Variants in ANKS1B observed in about 807,000 individuals in gnomAD.
The protein encoded by ANKS1B is ankyrin repeat and sterile alpha motif domain-containing protein 1B.
ANKS1B carries 36 observed loss-of-function variants against 148.3 expected under a neutral mutation model. That is an observed-to-expected ratio of 0.24 (90% CI 0.19 to 0.32). The LOEUF is 0.32. Among genes scored for constraint, ANKS1B ranks in the 10% least tolerant of loss-of-function variants. The pLI, the probability that ANKS1B is intolerant of heterozygous loss-of-function variation, is 1.00. For missense variants in ANKS1B, 1,157 were observed against 1,542.6 expected (o/e 0.75, Z 4.19); for synonymous variants, 542 against 560.8 (o/e 0.97, Z 0.47).
chr12:99,111,643 A>G (rs935581812), intron 15 of ANKS1B, among the ~76,000 whole-genome samples: 8 of 152,062 alleles, frequency 5.3e-5, no homozygotes, highest in Non-Finnish European at 1.0e-4. Flanking sequence ...TGTATTCCTT[A>G]TAAGTATAAA....
chr12:98,738,589 TA>T (rs2097784446), intron 9 of ANKS1B, among the ~76,000 whole-genome samples: 1 of 152,180 alleles, frequency 6.6e-6, no homozygotes, highest in Non-Finnish European at 1.5e-5. Flanking sequence ...CTTCAGTTTT[TA>T]GATAGAGGAA....
chr12:99,560,840 C>CTTTTT (rs58588885), intron 9 of ANKS1B, among the ~76,000 whole-genome samples: 422 of 71,738 alleles, frequency 5.9e-3, no homozygotes, highest in East Asian at 7.6e-3. Flanking sequence ...TTTCTTTTTT[C>CTTTTT]TTTTTTTTTT....
chr12:99,773,249 T>C (rs2063355777), intron 7 of ANKS1B, among the ~76,000 whole-genome samples, 161 bp from the exon 8 acceptor site: 1 of 152,208 alleles, frequency 6.6e-6, no homozygotes, highest in Admixed American at 6.5e-5. Context: ...CCATAATTAG[T>C]ACAACAATAT....
intron 10 of ANKS1B, among the ~76,000 whole-genome samples, chr12:99,452,698 T>G (rs939510357): frequency 6.6e-6 from 1 of 152,236 alleles, no homozygotes; most frequent in Non-Finnish European, 1.5e-5. Context: ...AGATAATATT[T>G]AACAGTAATT....
At chr12:99,203,024 T>G (rs1359455849) in intron 14 of ANKS1B, among the ~76,000 whole-genome samples, 1 of 152,190 alleles carries the variant, frequency 6.6e-6, no homozygotes, top group Admixed American at 6.5e-5. Context: ...CTTCTACCAC[T>G]TTCTATTGGT....
At chr12:99,556,314 TTCTC>T (rs571834731) in intron 9 of ANKS1B, among the ~76,000 whole-genome samples, 2 of 152,120 alleles carry the variant, frequency 1.3e-5, no homozygotes, top group African/African-American at 4.8e-5. Context: ...TATTTGGATC[TTCTC>T]TCTTTTTTTC....
rs147936871 is a variant in ANKS1B, at chr12:99,157,294, T to G, written c.2420-2899A>C. Among the ~76,000 whole-genome samples, 13 of 152,336 alleles carry G rather than the reference T, an allele frequency of 8.5e-5. 1 individual carries two copies. The East Asian group carries it at 2.5e-3, about 29-fold the overall frequency. ...GCTTCTCCTAGGATCACAGCCACAG[T>G]GCTTCACCTGGTCATTTTGAATTAT... On this transcript the variant is annotated intron_variant, in intron 14 of 26. Transcript: ENST00000683438.
intron 8 of ANKS1B, among the ~76,000 whole-genome samples, chr12:99,746,552 A>G (rs1479577628): frequency 6.6e-6 from 1 of 152,140 alleles, no homozygotes; most frequent in African/African-American, 2.4e-5. Flanking sequence ...CTTCTATACA[A>G]TCATTGTAAT....
intron 9 of ANKS1B, among the ~76,000 whole-genome samples, chr12:99,633,066 T>C (rs570037447): frequency 5.3e-5 from 8 of 151,696 alleles, no homozygotes; most frequent in African/African-American, 9.7e-5. Flanking sequence ...GCTTCATCCA[T>C]GTCCCTACAA....
intron 9 of ANKS1B, among the ~76,000 whole-genome samples, chr12:99,533,359 G>A (rs1348987749): frequency 2.6e-5 from 4 of 152,108 alleles, no homozygotes; most frequent in African/African-American, 9.7e-5. Flanking sequence ...GTATAGCAGT[G>A]CTACTGATTA....
At chr12:99,385,090 GAT>G (rs1247360834) in intron 12 of ANKS1B, among the ~76,000 whole-genome samples, 1 of 143,010 alleles carries the variant, frequency 7.0e-6, no homozygotes, top group Non-Finnish European at 1.6e-5. Context: ...AAGTTGTTAA[GAT>G]AGTATTATGA....
At chr12:99,326,703 A>G (rs2086368308) in intron 12 of ANKS1B, among the ~76,000 whole-genome samples, 1 of 151,804 alleles carries the variant, frequency 6.6e-6, no homozygotes, top group African/African-American at 2.4e-5. Flanking sequence ...TCTTACTTTT[A>G]TATTTTAATT....
chr12:98,799,071 C>T (rs964774105), intron 21 of ANKS1B, 66 bp from the exon 22 acceptor site: 1 of 1,194,152 alleles, frequency 8.4e-7, no homozygotes, highest in East Asian at 2.8e-5. Flanking sequence ...GTTTTAAAAA[C>T]AAATTGTGGA....
chr12:99,758,077 T>C (rs1281556702), intron 8 of ANKS1B, among the ~76,000 whole-genome samples: 1 of 151,914 alleles, frequency 6.6e-6, no homozygotes, highest in African/African-American at 2.4e-5. Context: ...CATGTAACCC[T>C]GAACTTAAAA....
chr12:99,172,196 T>C (rs1472532682), intron 14 of ANKS1B, among the ~76,000 whole-genome samples: 1 of 152,092 alleles, frequency 6.6e-6, no homozygotes, highest in Non-Finnish European at 1.5e-5. Context: ...AGGTTATATG[T>C]GCATGTATGA....
At chr12:99,210,284 T>C (rs1022974372) in intron 14 of ANKS1B, among the ~76,000 whole-genome samples, 7 of 152,188 alleles carry the variant, frequency 4.6e-5, no homozygotes, top group African/African-American at 1.7e-4. Context: ...TCCTCTTTCT[T>C]TAACTCTTAC....
At position 99,120,531 on chromosome 12, in the gene ANKS1B, C is replaced by A. The variant is rs183100592; in HGVS notation, c.2526+33758G>T. On this transcript the variant is annotated intron_variant, in intron 15 of 26. Coordinates refer to ENST00000683438, the MANE Select transcript of ANKS1B (RefSeq NM_001352186.2). Reference sequence around the variant, plus strand: ...AAAACTGTTAAGAACTTGTTATATGCAAGGCATTGGTTTAGAAACCAGATA... The same window carrying A: ...AAAACTGTTAAGAACTTGTTATATGAAAGGCATTGGTTTAGAAACCAGATA... Among the ~76,000 whole-genome samples, 43 of 152,236 alleles carry A rather than the reference C, an allele frequency of 2.8e-4. No homozygotes were observed. The East Asian group carries it at 7.7e-3, about 27-fold the overall frequency.
intron 8 of ANKS1B, among the ~76,000 whole-genome samples, chr12:99,748,277 C>T (rs1432999712): frequency 6.6e-6 from 1 of 151,964 alleles, no homozygotes; most frequent in Non-Finnish European, 1.5e-5. Flanking sequence ...CTAAAGTGAA[C>T]ACCCAACTGA....
intron 17 of ANKS1B, among the ~76,000 whole-genome samples, chr12:98,926,366 A>G (rs2099808198): frequency 6.6e-6 from 1 of 152,210 alleles, no homozygotes; most frequent in African/African-American, 2.4e-5. Flanking sequence ...GTCACTAAAC[A>G]AACAGCAGCT....
Sources: gnomAD v4.1 joint callset for allele counts (sites outside exome capture counted in the v4.1 genomes callset) on GRCh38, gnomAD v4.1.1 for gene constraint, MANE v1.5 for transcripts, NCBI Gene and HGNC (gene_info 2026-07-23, HGNC 2026-07-21) for gene names.